Variants in CSMD1 observed in about 807,000 individuals in gnomAD.
CSMD1 encodes CUB and sushi domain-containing protein 1.
CSMD1 carries 213 observed loss-of-function variants against 417.5 expected under a neutral mutation model. The ratio of observed to expected loss-of-function variants is 0.51; its 90% CI spans 0.46 to 0.57. The LOEUF is 0.57. CSMD1 is among the 20% of genes least tolerant of loss of function. The pLI is 0.00. For missense variants in CSMD1, 6,923 were observed against 4,529.7 expected (o/e 1.53, Z -15.17); for synonymous variants, 2,862 against 1,736.8 (o/e 1.65, Z -16.11).
At position 3,094,157 on chromosome 8, in the gene CSMD1, G is replaced by A. The variant is rs946643482; in HGVS notation, c.7139-2495C>T. On this transcript the variant is annotated intron_variant, in intron 47 of 69. Coordinates refer to ENST00000635120, the MANE Select transcript of CSMD1 (RefSeq NM_033225.6). ...GTTTTGCTCTGCCTTCCAGGCTGGAGTGCAATGGTACAATCTCGGCTCTCT... is the reference window on the plus strand; with the variant it reads ...GTTTTGCTCTGCCTTCCAGGCTGGAATGCAATGGTACAATCTCGGCTCTCT... Among the ~76,000 whole-genome samples, 131 of 151,784 alleles carry A rather than the reference G, an allele frequency of 8.6e-4. 1 individual carries two copies. Among genetic ancestry groups the A allele is most frequent in the African/African-American group, 2.9e-3 (120 of 41,332 alleles).
chr8:4,855,169 G>T lies in CSMD1; in HGVS notation c.85+139163C>A, dbSNP rs1278423414. 3.3e-5 allele frequency among the ~76,000 whole-genome samples: 5 copies of T among 150,322 alleles called. No homozygotes were observed. In the East Asian group the frequency reaches 6.7e-4, roughly 20 times the overall value. On this transcript the variant is annotated intron_variant, in intron 1 of 69. Coordinates refer to ENST00000635120, the MANE Select transcript of CSMD1 (RefSeq NM_033225.6). ...GCAGGGGCACACTGACACCTCACACGGCAGGGTACTCCAACAGACCTGCAG... is the reference window on the plus strand; with the variant it reads ...GCAGGGGCACACTGACACCTCACACTGCAGGGTACTCCAACAGACCTGCAG...
intron 3 of CSMD1, among the ~76,000 whole-genome samples, chr8:4,326,069 A>T (rs1799544392): frequency 6.6e-6 from 1 of 152,178 alleles, no homozygotes; most frequent in South Asian, 2.1e-4. Flanking sequence ...CAACACTAGC[A>T]TTCATCAGCA....
chr8:4,247,172 G>T (rs1802765446), intron 3 of CSMD1, among the ~76,000 whole-genome samples: 1 of 152,138 alleles, frequency 6.6e-6, no homozygotes, highest in Non-Finnish European at 1.5e-5. Context: ...TCTTTTTTAT[G>T]CTCTATAACA....
At chr8:3,725,856 A>C (rs75448077) in intron 6 of CSMD1, among the ~76,000 whole-genome samples, 1 of 152,174 alleles carries the variant, frequency 6.6e-6, no homozygotes, top group East Asian at 1.9e-4. Context: ...GCAGTGGATA[A>C]AAATACATCT....
chr8:4,267,742 T>C (rs1368842779), intron 3 of CSMD1, among the ~76,000 whole-genome samples: 1 of 152,148 alleles, frequency 6.6e-6, no homozygotes, highest in Non-Finnish European at 1.5e-5. Flanking sequence ...TTCCAAATTG[T>C]AAGGTGCCAC....
intron 5 of CSMD1, among the ~76,000 whole-genome samples, chr8:3,766,382 C>G (rs12678855): frequency 0.16 from 23,795 of 152,162 alleles, 1,922 homozygotes; most frequent in Admixed American, 0.21. Context: ...AAAACGAAAC[C>G]TCCAAGTGCC....
At chr8:4,605,938 C>T (rs1238036473) in intron 2 of CSMD1, among the ~76,000 whole-genome samples, 3 of 151,960 alleles carry the variant, frequency 2.0e-5, no homozygotes, top group Non-Finnish European at 2.9e-5. Flanking sequence ...ATTTTTATGA[C>T]GAGGATGTGT....
intron 27 of CSMD1, among the ~76,000 whole-genome samples, chr8:3,228,348 C>T (rs1798637279): frequency 6.6e-6 from 1 of 152,114 alleles, no homozygotes; most frequent in Non-Finnish European, 1.5e-5. Context: ...GGACATAAAC[C>T]TCATTCCTAA....
intron 3 of CSMD1, among the ~76,000 whole-genome samples, chr8:4,057,805 G>T (rs1165060625): frequency 2.6e-5 from 4 of 152,128 alleles, no homozygotes; most frequent in Non-Finnish European, 2.9e-5. Flanking sequence ...TTTCCCCATT[G>T]CTTGTTTTTG....
intron 3 of CSMD1, among the ~76,000 whole-genome samples, chr8:4,400,077 G>C (rs1041338180): frequency 1.3e-5 from 2 of 152,088 alleles, no homozygotes; most frequent in African/African-American, 4.8e-5. Flanking sequence ...TGCCAAAAGA[G>C]AGATCTAAAT....
intron 2 of CSMD1, among the ~76,000 whole-genome samples, chr8:4,491,991 G>C (rs1285916723): frequency 2.8e-5 from 4 of 144,132 alleles, no homozygotes; most frequent in Admixed American, 7.0e-5. Flanking sequence ...TAGATGAATG[G>C]ATAAACTATG....
intron 2 of CSMD1, among the ~76,000 whole-genome samples, chr8:4,429,974 G>A (rs539654683): frequency 3.3e-5 from 5 of 152,156 alleles, no homozygotes; most frequent in African/African-American, 4.8e-5. Context: ...GAATCCACTG[G>A]AAGCTGAGCT....
chr8:3,739,461 CTCTGGTTTGA>C (rs1796685735), intron 6 of CSMD1, among the ~76,000 whole-genome samples: 1 of 152,132 alleles, frequency 6.6e-6, no homozygotes, highest in Admixed American at 6.6e-5. Context: ...CCGTTAATTA[CTCTGGTTTGA>C]TCACTACACA....
chr8:3,771,081 G>C (rs966862610), intron 5 of CSMD1, among the ~76,000 whole-genome samples: 6 of 151,926 alleles, frequency 3.9e-5, no homozygotes, highest in East Asian at 1.9e-4. Context: ...CAATAGTCTT[G>C]GGGGTATTGT....
At chr8:3,081,486 A>G (rs1216013996) in intron 49 of CSMD1, among the ~76,000 whole-genome samples, 3 of 152,156 alleles carry the variant, frequency 2.0e-5, no homozygotes, top group African/African-American at 7.2e-5. Flanking sequence ...CAGTTTTCAA[A>G]TAAAAATTTT....
At chr8:4,679,834 T>G (rs1270765829) in intron 1 of CSMD1, among the ~76,000 whole-genome samples, 1 of 152,122 alleles carries the variant, frequency 6.6e-6, no homozygotes, top group East Asian at 1.9e-4. Context: ...TTTAAATATG[T>G]AATAGATTAA....
rs973713750 is a variant in CSMD1, at chr8:4,854,309, C to T, written c.85+140023G>A. 4.7e-4 allele frequency among the ~76,000 whole-genome samples: 72 copies of T among 152,024 alleles called. 1 individual carries two copies. Among genetic ancestry groups the T allele is most frequent in the Admixed American group, 2.0e-4 (3 of 15,270 alleles). ...GGCTTGGTAGGAGGTGTTGGGTTGC[C>T]GAGGCAGATCCCTCATAAATGGCTT... On this transcript the variant is annotated intron_variant, in intron 1 of 69. Coordinates refer to ENST00000635120, the MANE Select transcript of CSMD1 (RefSeq NM_033225.6).
intron 7 of CSMD1, among the ~76,000 whole-genome samples, chr8:3,691,693 TAAAC>T (rs1406869395): frequency 6.6e-6 from 1 of 152,096 alleles, no homozygotes; most frequent in Admixed American, 6.6e-5. Context: ...AGCAATGTAA[TAAAC>T]AAATAAAACC....
At chr8:3,734,164 A>C (rs1796407768) in intron 6 of CSMD1, among the ~76,000 whole-genome samples, 1 of 152,230 alleles carries the variant, frequency 6.6e-6, no homozygotes, top group South Asian at 2.1e-4. Flanking sequence ...CATTACCAAT[A>C]TACTACTTAA....
Sources: gnomAD v4.1 joint callset for allele counts (sites outside exome capture counted in the v4.1 genomes callset) on GRCh38, gnomAD v4.1.1 for gene constraint, MANE v1.5 for transcripts, NCBI Gene and HGNC (gene_info 2026-07-23, HGNC 2026-07-21) for gene names.